The following SIMC1 variants were observed in gnomAD, a reference collection of about 807,000 sequenced individuals.
The protein encoded by SIMC1 is SUMO interacting motifs containing 1.
SIMC1 carries 55 observed loss-of-function variants against 82.3 expected under a neutral mutation model. The ratio of observed to expected loss-of-function variants is 0.67; its 90% CI spans 0.54 to 0.84. The LOEUF is 0.84. SIMC1 is among the 40% of genes least tolerant of loss of function. The pLI, the probability that SIMC1 is intolerant of heterozygous loss-of-function variation, is 0.00. For synonymous variants in SIMC1, 353 were observed against 426.3 expected, an observed-to-expected ratio of 0.83 and a Z score of 2.12; for missense variants, 915 against 1,107.2, an observed-to-expected ratio of 0.83 and a Z score of 2.46.
At chr5:176,309,582 G>C (rs1457419533) in intron 4 of SIMC1, among the ~76,000 whole-genome samples, 1 of 152,170 alleles carries the variant, frequency 6.6e-6, no homozygotes, top group South Asian at 2.1e-4. Flanking sequence ...ATAAACTACA[G>C]ATTGAAATGA....
chr5:176,255,119 A>C (rs181728753), intron 1 of SIMC1, among the ~76,000 whole-genome samples: 4 of 151,764 alleles, frequency 2.6e-5, no homozygotes, highest in South Asian at 2.1e-4. Flanking sequence ...TTTACTAAAA[A>C]TACAAAAATT....
At chr5:176,321,478 CCTCTT>C (rs1019325957) in intron 5 of SIMC1, among the ~76,000 whole-genome samples, 197 of 151,394 alleles carry the variant, frequency 1.3e-3, no homozygotes, top group Non-Finnish European at 2.2e-3. Context: ...CATCTTCTCT[CCTCTT>C]CTCTTCTTCC....
intron 4 of SIMC1, chr5:176,313,303 T>G: frequency 1.4e-6 from 2 of 1,454,648 alleles, no homozygotes. Flanking sequence ...GTTGATAGGT[T>G]CAGTGAGAGG....
chr5:176,272,187 AAAAAAAAAAAAG>A (rs1290327452), intron 1 of SIMC1, among the ~76,000 whole-genome samples: 17 of 143,044 alleles, frequency 1.2e-4, no homozygotes, highest in Middle Eastern at 3.5e-3. Flanking sequence ...AAAAAAAAAA[AAAAAAAAAAAAG>A]GTGGGCATGG....
intron 9 of SIMC1, among the ~76,000 whole-genome samples, chr5:176,339,882 T>C (rs1272811755): frequency 1.3e-5 from 2 of 152,134 alleles, no homozygotes; most frequent in Admixed American, 6.5e-5. Context: ...TACCCAGCAA[T>C]AGTCAGCGTC....
intron 9 of SIMC1, among the ~76,000 whole-genome samples, chr5:176,338,414 A>G (rs1765995055): frequency 6.6e-6 from 1 of 152,162 alleles, no homozygotes; most frequent in African/African-American, 2.4e-5. Context: ...AGGACACACT[A>G]AGTTGCTTAG....
intron 1 of SIMC1, among the ~76,000 whole-genome samples, chr5:176,287,428 A>G (rs573521419): frequency 2.4e-4 from 37 of 152,306 alleles, no homozygotes; most frequent in Admixed American, 1.1e-3. Context: ...GAATTGAACA[A>G]TGAGAACACT....
chr5:176,309,888 T>G (rs1764590051), intron 4 of SIMC1, among the ~76,000 whole-genome samples: 1 of 151,884 alleles, frequency 6.6e-6, no homozygotes, highest in Admixed American at 6.6e-5. Flanking sequence ...TGAGCTATGA[T>G]CACACCACCA....
At chr5:176,325,460 C>T (rs760017514) in intron 7 of SIMC1, among the ~76,000 whole-genome samples, 15 of 151,730 alleles carry the variant, frequency 9.9e-5, no homozygotes, top group South Asian at 2.1e-4. Flanking sequence ...CCAAGGCGGG[C>T]GGATCACGAG....
chr5:176,289,567 T>C (rs1185857801), intron 1 of SIMC1, 87 bp from the exon 2 acceptor site: 6 of 1,055,798 alleles, frequency 5.7e-6, no homozygotes, highest in Non-Finnish European at 8.1e-6. Flanking sequence ...AAAGTAATGC[T>C]TATCCTTAAA....
chr5:176,265,745 T>C (rs1291646347), intron 1 of SIMC1, among the ~76,000 whole-genome samples: 1 of 152,144 alleles, frequency 6.6e-6, no homozygotes, highest in Admixed American at 6.5e-5. Flanking sequence ...ATTGGAGCAA[T>C]ATGTGATGGA....
At chr5:176,256,633 A>G (rs1761858549) in intron 1 of SIMC1, among the ~76,000 whole-genome samples, 2 of 152,256 alleles carry the variant, frequency 1.3e-5, no homozygotes, top group Admixed American at 6.5e-5. Flanking sequence ...CACATTAATT[A>G]TAGGATACAT....
chr5:176,277,331 G>T (rs980968143), intron 1 of SIMC1, among the ~76,000 whole-genome samples: 1 of 151,830 alleles, frequency 6.6e-6, no homozygotes, highest in Non-Finnish European at 1.5e-5. Flanking sequence ...TGAGTTCATT[G>T]TAGATTCTGG....
chr5:176,245,518 G>C (rs1487216793), intron 1 of SIMC1, among the ~76,000 whole-genome samples: 1 of 152,050 alleles, frequency 6.6e-6, no homozygotes, highest in Non-Finnish European at 1.5e-5. Flanking sequence ...ATAGCCTCTT[G>C]TCATACATGT....
intron 9 of SIMC1, among the ~76,000 whole-genome samples, chr5:176,344,756 A>G (rs933722101): frequency 2.0e-5 from 3 of 152,142 alleles, no homozygotes; most frequent in Admixed American, 6.6e-5. Flanking sequence ...GTGCTCAACC[A>G]TTCATGAGAA....
chr5:176,283,323 C>G (rs954997896), intron 1 of SIMC1, among the ~76,000 whole-genome samples: 6 of 152,232 alleles, frequency 3.9e-5, no homozygotes, highest in Non-Finnish European at 8.8e-5. Flanking sequence ...AACAGCTAAT[C>G]TCTTGGCAGA....
intron 7 of SIMC1, among the ~76,000 whole-genome samples, chr5:176,326,514 T>A (rs1765399776): frequency 6.6e-6 from 1 of 152,108 alleles, no homozygotes; most frequent in South Asian, 2.1e-4. Flanking sequence ...ATTACAGGCA[T>A]GAGCCACCGC....
chr5:176,264,008 C>T (rs1304103753), intron 1 of SIMC1, among the ~76,000 whole-genome samples: 1 of 152,234 alleles, frequency 6.6e-6, no homozygotes, highest in African/African-American at 2.4e-5. Context: ...CTCAGCAGGG[C>T]AGACATTAAA....
At chr5:176,291,300 A>T (rs938844641) in intron 2 of SIMC1, among the ~76,000 whole-genome samples, 7 of 147,076 alleles carry the variant, frequency 4.8e-5, no homozygotes, top group Non-Finnish European at 1.0e-4. Context: ...AGCAGCTGGG[A>T]CTACAGGCGC....
Sources: allele counts gnomAD v4.1 joint callset (sites outside exome capture counted in the v4.1 genomes callset), GRCh38; gene constraint gnomAD v4.1.1; transcripts MANE v1.5; gene names NCBI Gene and HGNC (gene_info 2026-07-23, HGNC 2026-07-21).